Variants in SPATA16 observed in about 807,000 individuals in gnomAD.
SPATA16 encodes the protein spermatogenesis-associated protein 16.
Under a neutral mutation model 63.3 loss-of-function variants are expected in SPATA16, and 36 were observed. The observed-to-expected ratio is 0.57, with a 90% CI of 0.44 to 0.75. The LOEUF (loss-of-function observed/expected upper bound fraction) is 0.75, where lower values mean the gene tolerates loss of function less well. Among genes scored for constraint, SPATA16 ranks in the 30% least tolerant of loss-of-function variants. The probability of loss-of-function intolerance (pLI) is 0.00; values close to 1 mark genes in which losing one functional copy is unlikely to be tolerated. For missense variants in SPATA16, 646 were observed against 679.3 expected (o/e 0.95, Z 0.54); for synonymous variants, 203 against 216.7 (o/e 0.94, Z 0.56).
chr3:172,931,662 A>G (rs1338476496), intron 6 of SPATA16, among the ~76,000 whole-genome samples: 1 of 152,242 alleles, frequency 6.6e-6, no homozygotes, highest in African/African-American at 2.4e-5. Context: ...CCAAATAAGA[A>G]TAGAACTGCA....
Position 172,889,628 on chromosome 3 carries a change from C to T in SPATA16, c.1652G>A (p.Arg551Lys). ...TTTTGTTTTTTGCCTTCGAGCAGTT[C>T]TCAGTTTTTTAGTTTTTAAGAAACT... The part of the protein sequence containing the change: ...EDSFLKTKKL[R>K]TARRQKTKMK... Residue 551 changes from arginine (R) to lysine (K), a missense_variant, in exon 11 of 11, where the codon AGA becomes AAA. Transcript: ENST00000351008. 1 of 1,613,778 alleles carries T rather than the reference C, an allele frequency of 6.2e-7. No individual in the cohort carries two copies. The highest frequency in any genetic ancestry group is 8.5e-7 in the Non-Finnish European group (1 of 1,179,846).
At chr3:173,033,674 G>T (rs932650892) in intron 3 of SPATA16, among the ~76,000 whole-genome samples, 1 of 151,940 alleles carries the variant, frequency 6.6e-6, no homozygotes, top group African/African-American at 2.4e-5. Context: ...TTTTCCATTC[G>T]CTGTGTTACT....
intron 8 of SPATA16, among the ~76,000 whole-genome samples, chr3:172,918,490 G>A (rs981530951): frequency 3.9e-5 from 6 of 152,046 alleles, no homozygotes; most frequent in South Asian, 4.2e-4. Flanking sequence ...TCCTCCCCCC[G>A]AAGCCAAATG....
At chr3:172,916,531 C>CCT (rs1455971886) in intron 8 of SPATA16, 50 bp from the exon 9 acceptor site, 2 of 1,600,546 alleles carry the variant, frequency 1.2e-6, no homozygotes, top group Non-Finnish European at 1.7e-6. Context: ...CGGAAATAGA[C>CCT]CTCTCCCCAG....
intron 2 of SPATA16, among the ~76,000 whole-genome samples, chr3:173,103,110 T>C: frequency 6.6e-6 from 1 of 152,200 alleles, no homozygotes; most frequent in Non-Finnish European, 1.5e-5. Context: ...AGGGGTGGGC[T>C]CCCAGGGCCT....
chr3:172,966,364 A>AT (rs760637558), intron 5 of SPATA16, among the ~76,000 whole-genome samples: 12 of 152,106 alleles, frequency 7.9e-5, no homozygotes, highest in Non-Finnish European at 1.6e-4. Context: ...GCTAAATATG[A>AT]TATTTTCCAT....
intron 2 of SPATA16, among the ~76,000 whole-genome samples, chr3:173,052,846 G>C (rs1019094811): frequency 6.6e-6 from 1 of 152,030 alleles, no homozygotes; most frequent in Admixed American, 6.5e-5. Context: ...ATGGAGATAA[G>C]GAATAAAAAC....
At chr3:173,111,132 AT>A (rs1326683837) in intron 2 of SPATA16, among the ~76,000 whole-genome samples, 1 of 152,146 alleles carries the variant, frequency 6.6e-6, no homozygotes, top group Non-Finnish European at 1.5e-5. Context: ...AAGTTATTTA[AT>A]TTTTTTAGAG....
intron 4 of SPATA16, among the ~76,000 whole-genome samples, chr3:172,987,188 A>C (rs1455007663): frequency 1.3e-5 from 2 of 152,238 alleles, no homozygotes; most frequent in Admixed American, 1.3e-4. Context: ...AAATGATAAA[A>C]GGATAATGGG....
chr3:172,953,133 A>G (rs1733481765), intron 6 of SPATA16, among the ~76,000 whole-genome samples: 1 of 152,144 alleles, frequency 6.6e-6, no homozygotes, highest in African/African-American at 2.4e-5. Context: ...AGGGAAAAAT[A>G]TGGTCCAATA....
intron 1 of SPATA16, among the ~76,000 whole-genome samples, chr3:173,121,383 A>G (rs1175634021): frequency 6.6e-6 from 1 of 152,130 alleles, no homozygotes; most frequent in Admixed American, 6.5e-5. Flanking sequence ...AACTACTCTG[A>G]AGTCAAGCTG....
chr3:173,050,868 T>A (rs9856016), intron 2 of SPATA16, among the ~76,000 whole-genome samples: 1,550 of 152,314 alleles, frequency 0.01, 27 homozygotes, highest in African/African-American at 0.033. Context: ...CTGATAAAAT[T>A]GGTAATAAAA....
chr3:173,030,092 AT>A (rs1735567493), intron 3 of SPATA16, among the ~76,000 whole-genome samples: 4 of 149,104 alleles, frequency 2.7e-5, no homozygotes, highest in African/African-American at 5.2e-5. Context: ...CTATCTATCT[AT>A]CTATCTATCT....
chr3:172,990,043 C>T (rs1289897608), intron 4 of SPATA16, among the ~76,000 whole-genome samples: 1 of 152,092 alleles, frequency 6.6e-6, no homozygotes, highest in Admixed American at 6.6e-5. Context: ...CTCTTAGAGC[C>T]CTCTAAGTCT....
intron 3 of SPATA16, among the ~76,000 whole-genome samples, chr3:173,021,649 G>A (rs989281141): frequency 6.6e-6 from 1 of 152,072 alleles, no homozygotes; most frequent in Non-Finnish European, 1.5e-5. Flanking sequence ...TGAGGGCAGA[G>A]CTTTGTCCAG....
At chr3:173,028,023 T>TTTCCTTCC (rs1224712418) in intron 3 of SPATA16, among the ~76,000 whole-genome samples, 3,321 of 36,364 alleles carry the variant, frequency 0.091, 215 homozygotes, top group East Asian at 0.11. Context: ...CCCTTCCTTC[T>TTTCCTTCC]TTCCTTCCTT....
intron 3 of SPATA16, among the ~76,000 whole-genome samples, chr3:173,028,041 T>C (rs1280773526): frequency 1.5e-4 from 17 of 111,442 alleles, no homozygotes; most frequent in African/African-American, 5.4e-4. Context: ...CTTCCTTCCT[T>C]CCTTCCTTCC....
chr3:172,959,523 G>T (rs979969780), intron 5 of SPATA16, among the ~76,000 whole-genome samples: 12 of 152,018 alleles, frequency 7.9e-5, no homozygotes, highest in African/African-American at 2.9e-4. Context: ...TAAGGAAGTG[G>T]GTGAGTAAAT....
intron 5 of SPATA16, among the ~76,000 whole-genome samples, chr3:172,975,672 T>C (rs572102052): frequency 6.6e-6 from 1 of 152,254 alleles, no homozygotes; most frequent in African/African-American, 2.4e-5. Flanking sequence ...AATAGGTTGT[T>C]TTGGGTTTAA....
Sources: allele counts gnomAD v4.1 joint callset (sites outside exome capture counted in the v4.1 genomes callset), GRCh38; gene constraint gnomAD v4.1.1; transcripts MANE v1.5; gene names NCBI Gene and HGNC (gene_info 2026-07-23, HGNC 2026-07-21).